LMTK2: variants seen among roughly 807,000 people sequenced by gnomAD.
The protein encoded by LMTK2 is lemur tail kinase 2, also known as serine/threonine-protein kinase LMTK2.
In LMTK2, 37 loss-of-function variants were observed where a neutral mutation model predicts 127.5. The ratio of observed to expected loss-of-function variants is 0.29; its 90% CI spans 0.22 to 0.38. The LOEUF is 0.38. Among genes scored for constraint, LMTK2 ranks in the 10% least tolerant of loss-of-function variants. The probability of loss-of-function intolerance (pLI) is 1.00; values close to 1 mark genes in which losing one functional copy is unlikely to be tolerated. For missense variants in LMTK2, 1,694 were observed against 1,920.3 expected (o/e 0.88, Z 2.20); for synonymous variants, 819 against 810.1 (o/e 1.01, Z -0.19).
At chr7:98,134,642 C>A (rs1299197716) in intron 1 of LMTK2, among the ~76,000 whole-genome samples, 1 of 151,044 alleles carries the variant, frequency 6.6e-6, no homozygotes, top group African/African-American at 2.4e-5. Context: ...TAGTGAGACT[C>A]CCATCTCTCA....
chr7:98,122,195 G>A (rs996546875), intron 1 of LMTK2, among the ~76,000 whole-genome samples: 8 of 152,068 alleles, frequency 5.3e-5, no homozygotes, highest in African/African-American at 1.9e-4. Flanking sequence ...GTGGAGGTCT[G>A]GACTCCTTTT....
chr7:98,155,498 T>C (rs1796914175), intron 5 of LMTK2, among the ~76,000 whole-genome samples: 1 of 152,138 alleles, frequency 6.6e-6, no homozygotes, highest in East Asian at 1.9e-4. Flanking sequence ...CCAAGACACA[T>C]GGTCAAACTT....
In LMTK2 at chr7:98,205,754, C is replaced by A. The variant is rs558400597; in HGVS notation, c.*262C>A. 7.2e-6 allele frequency: 4 copies of A among 558,416 alleles called. No homozygotes were observed. The highest frequency in any genetic ancestry group is 4.8e-4 in the Middle Eastern group (1 of 2,078). The allele number at this position is 558,416 out of a possible 1,614,324, so 34.6% of individuals were successfully genotyped here. A position where few individuals can be genotyped will look rare whatever the true frequency, so the allele number is the denominator to read the frequency against. On this transcript the variant is annotated 3_prime_UTR_variant, in exon 14 of 14. Transcript: ENST00000297293. ...CGGCCGCGGCCTCCCAGGCAGTGCT[C>A]ATGCGCTGGCCGTCGGGGGAGGCAG...
Position 98,194,004 on chromosome 7 carries a change from C to A in LMTK2, c.3539C>A (p.Pro1180Gln). 1.2e-6 allele frequency: 2 copies of A among 1,614,130 alleles called. No homozygotes were observed. Among genetic ancestry groups the A allele is most frequent in the Non-Finnish European group, 1.7e-6 (2 of 1,180,036 alleles). The change falls in exon 11 of 14, where the codon CCG (proline) becomes CAG (glutamine). Residue 1180 changes from proline to glutamine, a missense_variant. Around this residue, in one of 8 missense-constraint regions of LMTK2, gnomAD observed 554 missense variants for 567.7 expected, o/e 0.98. Coordinates refer to ENST00000297293, the MANE Select transcript of LMTK2 (RefSeq NM_014916.4). The surrounding 1 kb of genome is among the most constrained non-coding windows in gnomAD (Gnocchi z 5.4). ...AGTGACCTGGAATTAAGAGCCACGC[C>A]GGAGCCAGCACAGACTGGTGTTCCC... Reference protein sequence around the residue: ...NSSDLELRATPEPAQTGVPQQ... With the variant: ...NSSDLELRATQEPAQTGVPQQ...
intron 7 of LMTK2, among the ~76,000 whole-genome samples, chr7:98,176,689 A>G (rs970434272): frequency 6.6e-6 from 1 of 152,162 alleles, no homozygotes. Flanking sequence ...TACTAAAAAT[A>G]CAAAAAAATT....
Position 98,171,480 on chromosome 7 carries a change from T to G in LMTK2, c.658-61T>G. 1 of 1,611,064 alleles carries G rather than the reference T, an allele frequency of 6.2e-7. No individual in the cohort carries two copies. Reference sequence around the variant, plus strand: ...CAGTTAGTGTTCACCGAGGCACGTATTTAAGCGCTCACTTTATTCCTGTGG... The same window carrying G: ...CAGTTAGTGTTCACCGAGGCACGTAGTTAAGCGCTCACTTTATTCCTGTGG... On this transcript the variant is annotated intron_variant, in intron 6 of 13. Transcript: ENST00000297293. The surrounding 1 kb of genome is among the most constrained non-coding windows in gnomAD (Gnocchi z 5.1).
chr7:98,154,674 C>T (rs1796901609), intron 4 of LMTK2, 84 bp from the exon 5 acceptor site: 1 of 845,414 alleles, frequency 1.2e-6, no homozygotes, highest in African/African-American at 1.7e-5. Context: ...AACTTGTTCA[C>T]CTGTGTTCCA....
chr7:98,161,592 C>T lies in LMTK2; in HGVS notation c.657+2167C>T, dbSNP rs546050697. 1.8e-4 allele frequency among the ~76,000 whole-genome samples: 27 copies of T among 152,176 alleles called. No individual in the cohort carries two copies. The South Asian group carries it at 5.4e-3, about 30-fold the overall frequency. ...GAGGAAGGAGTTCTCGCTGGGATTTCTCAGGGTGTTATTGCTTATTATTAT... is the reference window on the plus strand; with the variant it reads ...GAGGAAGGAGTTCTCGCTGGGATTTTTCAGGGTGTTATTGCTTATTATTAT... On this transcript the variant is annotated intron_variant, in intron 6 of 13. Transcript: ENST00000297293.
At chr7:98,109,717 C>G (rs1796170449) in intron 1 of LMTK2, among the ~76,000 whole-genome samples, 1 of 141,628 alleles carries the variant, frequency 7.1e-6, no homozygotes, top group African/African-American at 2.6e-5. Context: ...GCATCATAGC[C>G]TGGGCAACAG....
chr7:98,116,420 TTGTG>T lies in LMTK2; in HGVS notation c.103+9141_103+9144del, dbSNP rs540532409. On this transcript the variant is annotated intron_variant, in intron 1 of 13. Coordinates refer to ENST00000297293, the MANE Select transcript of LMTK2 (RefSeq NM_014916.4). ...TGTGTGTGTGTGCATGTGCGTGTGT[TTGTG>T]CGTGTGTGTGTGTGTTTGTGTCCGC... Among the ~76,000 whole-genome samples, 984 of 149,866 alleles carry T rather than the reference TTGTG, an allele frequency of 6.6e-3. 7 individuals carry two copies. The highest frequency in any genetic ancestry group is 7.8e-3 in the Non-Finnish European group (528 of 67,694).
chr7:98,154,916 T>C (rs372525271), intron 5 of LMTK2, 40 bp downstream of exon 5: 145 of 1,192,314 alleles, frequency 1.2e-4, no homozygotes, highest in Non-Finnish European at 1.7e-4. Context: ...GACTAGTCTG[T>C]GGTCTGTTGA....
rs756868056 is a variant in LMTK2 at position 98,193,532 on chromosome 7, C to T, written c.3067C>T (p.Pro1023Ser). 3.7e-6 allele frequency: 6 copies of T among 1,614,106 alleles called. No individual in the cohort carries two copies. The highest frequency in any genetic ancestry group is 2.2e-5 in the East Asian group (1 of 44,870). ...ATCTCACACTCCCCAGAAACTAGTG[C>T]CCCCCGATAAGCCGGCAGACAGTGG... ...LGSHTPQKLV[P>S]PDKPADSGYE... Residue 1023 changes from proline (P) to serine (S), a missense_variant, in exon 11 of 14, where the codon CCC becomes TCC. Around this residue, in one of 8 missense-constraint regions of LMTK2, gnomAD observed 65 missense variants for 116.5 expected, o/e 0.56. Transcript: ENST00000297293. The surrounding 1 kb of genome is among the most constrained non-coding windows in gnomAD (Gnocchi z 4.1).
intron 7 of LMTK2, among the ~76,000 whole-genome samples, chr7:98,174,347 AC>A (rs1797244580): frequency 6.6e-6 from 1 of 152,224 alleles, no homozygotes; most frequent in Non-Finnish European, 1.5e-5. Flanking sequence ...TAAGGCACCC[AC>A]AGTGAAGTTG....
intron 7 of LMTK2, among the ~76,000 whole-genome samples, chr7:98,177,420 G>A (rs1797293895): frequency 1.3e-5 from 2 of 152,230 alleles, no homozygotes; most frequent in East Asian, 1.9e-4. Flanking sequence ...GATGCACCAT[G>A]ATTTATGGTG....
At chr7:98,148,502 A>AT (rs1224928808) in intron 3 of LMTK2, among the ~76,000 whole-genome samples, 18 of 149,156 alleles carry the variant, frequency 1.2e-4, no homozygotes, top group East Asian at 9.7e-4. Context: ...CAAAAAAAAA[A>AT]AAAAATAATA....
intron 7 of LMTK2, among the ~76,000 whole-genome samples, chr7:98,181,848 T>G (rs9641234): frequency 0.058 from 8,878 of 152,072 alleles, 605 homozygotes; most frequent in East Asian, 0.33. Context: ...TAGTAGAGAT[T>G]GGGTTTCACC....
chr7:98,125,834 T>C (rs1796435419), intron 1 of LMTK2, among the ~76,000 whole-genome samples: 1 of 152,196 alleles, frequency 6.6e-6, no homozygotes, highest in Non-Finnish European at 1.5e-5. Flanking sequence ...CAAAACTTCA[T>C]TGTAGAGGAT....
chr7:98,152,167 C>T (rs1302973919), intron 4 of LMTK2, among the ~76,000 whole-genome samples: 1 of 152,116 alleles, frequency 6.6e-6, no homozygotes, highest in Non-Finnish European at 1.5e-5. Context: ...TGAAGACCAC[C>T]ATGAACAACT....
intron 11 of LMTK2, among the ~76,000 whole-genome samples, chr7:98,196,450 T>C (rs1422488729): frequency 6.6e-6 from 1 of 152,208 alleles, no homozygotes; most frequent in Non-Finnish European, 1.5e-5. Flanking sequence ...CTCCACCGTC[T>C]CTGTGAACTT....
Sources: allele counts gnomAD v4.1 joint callset (sites outside exome capture counted in the v4.1 genomes callset), GRCh38; gene constraint gnomAD v4.1.1; regional missense constraint gnomAD v4.1.1; non-coding constraint Gnocchi (gnomAD v3.1); transcripts MANE v1.5; gene names NCBI Gene and HGNC (gene_info 2026-07-23, HGNC 2026-07-21).